Variants in GRK4 observed in about 807,000 individuals in gnomAD.
GRK4 encodes the protein G protein-coupled receptor kinase 2-like.
In GRK4, 73 loss-of-function variants were observed where a neutral mutation model predicts 77.9. The observed-to-expected ratio is 0.94, with a 90% CI of 0.78 to 1.14. The LOEUF (loss-of-function observed/expected upper bound fraction) is 1.14, where lower values mean the gene tolerates loss of function less well. GRK4 is among the 50% of genes most tolerant of loss of function. The pLI is 0.00. For missense variants in GRK4, 729 were observed against 700.2 expected (o/e 1.04, Z -0.46); for synonymous variants, 257 against 254.4 (o/e 1.01, Z -0.10).
chr4:2,977,855 G>GGACTTCCC (rs1721675354), intron 1 of GRK4, among the ~76,000 whole-genome samples: 1 of 152,236 alleles, frequency 6.6e-6, no homozygotes, highest in Non-Finnish European at 1.5e-5. Context: ...AGGGGACTGG[G>GGACTTCCC]AAATGTCCCT....
chr4:3,026,273 C>G (rs1453294456), intron 10 of GRK4, among the ~76,000 whole-genome samples: 1 of 152,184 alleles, frequency 6.6e-6, no homozygotes, highest in Non-Finnish European at 1.5e-5. Context: ...AGACCGAGTT[C>G]TCGAACTTTG....
At chr4:3,018,096 G>A (rs1289636870) in intron 8 of GRK4, among the ~76,000 whole-genome samples, 3 of 148,888 alleles carry the variant, frequency 2.0e-5, no homozygotes, top group South Asian at 4.2e-4. Flanking sequence ...TTTAGATAGA[G>A]ATGGGGGTCT....
Position 2,975,912 on chromosome 4 carries a change from T to C in GRK4, c.53-8601T>C, listed in dbSNP as rs1263315. On this transcript the variant is annotated intron_variant, in intron 1 of 15. Transcript: ENST00000398052. The stretch of plus-strand genomic sequence containing the variant: ...CAAAATTGAGTCAGTCCTGCTAAAG[T>C]TCCATGTCACCATGCTGAAAGTTGT... 7.2e-3 allele frequency among the ~76,000 whole-genome samples: 1,103 copies of C among 152,324 alleles called. 11 individuals carry two copies. The highest frequency in any genetic ancestry group is 0.017 in the Middle Eastern group (5 of 294).
intron 2 of GRK4, 113 bp downstream of exon 2, chr4:2,984,721 C>A (rs1182348159): frequency 4.2e-6 from 2 of 479,982 alleles, no homozygotes; most frequent in African/African-American, 2.0e-5. Flanking sequence ...ATGATAAATT[C>A]TCCTTATATC....
chr4:3,022,337 G>A, intron 9 of GRK4, 77 bp from the exon 10 acceptor site: 2 of 1,433,962 alleles, frequency 1.4e-6, no homozygotes, highest in Non-Finnish European at 2.0e-6. Flanking sequence ...TGCTCACGCT[G>A]GTTGTTCCTA....
chr4:3,020,093 A>G (rs754306473), intron 9 of GRK4, among the ~76,000 whole-genome samples: 124 of 152,174 alleles, frequency 8.1e-4, no homozygotes, highest in Non-Finnish European at 1.5e-3. Context: ...ATCTCGGCTC[A>G]CTGCAGTTCG....
intron 14 of GRK4, 58 bp downstream of exon 14, chr4:3,037,569 G>C (rs781279405): frequency 5.2e-5 from 81 of 1,557,144 alleles, no homozygotes; most frequent in Middle Eastern, 2.1e-4. Flanking sequence ...CCAGGGAAAA[G>C]GGTGTGTGTG....
chr4:2,992,210 A>G lies in GRK4; in HGVS notation c.262-5A>G. 2.5e-6 allele frequency: 4 copies of G among 1,602,454 alleles called. No individual in the cohort carries two copies. The highest frequency in any genetic ancestry group is 3.4e-6 in the Non-Finnish European group (4 of 1,169,820). On this transcript the variant is annotated splice_polypyrimidine_tract_variant and splice_region_variant and intron_variant, in intron 3 of 15. Transcript: ENST00000398052. ...TTCTTTCTTTTCTTCCATCTCTCCA[A>G]TCAGGCAGAATATGAAGTTGCCGAT...
rs577399003 is a variant in GRK4 at position 3,009,753 on chromosome 4, G to A, written c.600+42G>A. On this transcript the variant is annotated intron_variant, in intron 7 of 15. Coordinates refer to ENST00000398052, the MANE Select transcript of GRK4 (RefSeq NM_182982.3). The stretch of plus-strand genomic sequence containing the variant: ...AGTTCATAGCAGCGCTGCTAGCTGG[G>A]TGGGGAGCAAGGTCCTGAGAACATG... 2.5e-5 allele frequency: 37 copies of A among 1,494,098 alleles called. No individual in the cohort carries two copies. In the African/African-American group the frequency reaches 3.7e-4, roughly 15 times the overall value. The allele number at this position is 1,494,098 out of a possible 1,614,324, so 92.6% of individuals were successfully genotyped here. A position where few individuals can be genotyped will look rare whatever the true frequency, so the allele number is the denominator to read the frequency against.
chr4:3,001,570 T>G (rs1262883096), intron 4 of GRK4, among the ~76,000 whole-genome samples: 1 of 151,974 alleles, frequency 6.6e-6, no homozygotes, highest in African/African-American at 2.4e-5. Context: ...TTTCACCATG[T>G]TTGTCAGGCT....
chr4:3,032,255 G>GGTGGATC (rs1360097071), intron 12 of GRK4, among the ~76,000 whole-genome samples: 4 of 151,782 alleles, frequency 2.6e-5, no homozygotes, highest in African/African-American at 9.7e-5. Flanking sequence ...GGTCAAGGCA[G>GGTGGATC]GTGGATCATG....
chr4:3,038,857 C>G (rs1030077242), intron 15 of GRK4: 1 of 221,502 alleles, frequency 4.5e-6, no homozygotes, highest in African/African-American at 2.3e-5. Context: ...GTGCATCTCT[C>G]CCTGCTCTGG....
chr4:3,027,617 A>G (rs1210877323), intron 10 of GRK4, among the ~76,000 whole-genome samples: 2 of 152,336 alleles, frequency 1.3e-5, no homozygotes, highest in South Asian at 4.1e-4. Context: ...AAGTTGTATG[A>G]CATAAAATAA....
intron 7 of GRK4, among the ~76,000 whole-genome samples, chr4:3,013,082 C>T (rs747233870): frequency 1.6e-4 from 24 of 151,574 alleles, no homozygotes; most frequent in Non-Finnish European, 2.9e-4. Flanking sequence ...CTCACTCTGT[C>T]GCCCAGGCTG....
chr4:2,980,705 G>A (rs186407613), intron 1 of GRK4, among the ~76,000 whole-genome samples: 180 of 152,202 alleles, frequency 1.2e-3, no homozygotes, highest in African/African-American at 3.8e-3. Context: ...CCACATACCC[G>A]TGAACACAAA....
At chr4:2,976,154 A>G (rs903966435) in intron 1 of GRK4, among the ~76,000 whole-genome samples, 1 of 152,002 alleles carries the variant, frequency 6.6e-6, no homozygotes, top group African/African-American at 2.4e-5. Flanking sequence ...TGTTTAGCTC[A>G]TTGAAACACT....
intron 10 of GRK4, among the ~76,000 whole-genome samples, chr4:3,025,475 C>T (rs1214728011): frequency 1.3e-5 from 2 of 148,628 alleles, no homozygotes; most frequent in African/African-American, 2.5e-5. Flanking sequence ...CTGTAAGCTC[C>T]GCCTCCCAGG....
chr4:3,015,674 CAA>C (rs57839670), intron 8 of GRK4, among the ~76,000 whole-genome samples: 1,276 of 91,508 alleles, frequency 0.014, 19 homozygotes, highest in African/African-American at 0.045. Context: ...GACTCCATCT[CAA>C]AAAAAAAAAA....
At chr4:2,970,730 C>T (rs960743605) in intron 1 of GRK4, among the ~76,000 whole-genome samples, 26 of 151,344 alleles carry the variant, frequency 1.7e-4, no homozygotes, top group Admixed American at 1.2e-3. Flanking sequence ...AGTGCAGTGG[C>T]GTGATCTCAG....
Sources: gnomAD v4.1 joint callset for allele counts (sites outside exome capture counted in the v4.1 genomes callset) on GRCh38, gnomAD v4.1.1 for gene constraint, MANE v1.5 for transcripts, NCBI Gene and HGNC (gene_info 2026-07-23, HGNC 2026-07-21) for gene names.